The following GGA1 variants were observed in gnomAD, a reference collection of about 807,000 sequenced individuals.
The protein encoded by GGA1 is golgi associated, gamma adaptin ear containing, ARF binding protein 1.
In GGA1, 18 loss-of-function variants were observed where a neutral mutation model predicts 76.9. The ratio of observed to expected loss-of-function variants is 0.23; its 90% confidence interval spans 0.16 to 0.35. The LOEUF (loss-of-function observed/expected upper bound fraction) is 0.35. Ranked by LOEUF, GGA1 falls within the 10% of genes least tolerant of loss-of-function variation. The pLI is 1.00. For synonymous variants in GGA1, 342 were observed against 354.7 expected, an observed-to-expected ratio of 0.96 and a Z score of 0.40; for missense variants, 755 against 859.0, an observed-to-expected ratio of 0.88 and a Z score of 1.51.
rs1407765956 is a variant in GGA1 at position 37,625,427 on chromosome 22, C to G, written c.940+351C>G. Among the ~76,000 whole-genome samples the G allele has an allele frequency of 6.6e-6, 1 of 152,078 alleles. No individual in the cohort carries two copies. The highest frequency in any genetic ancestry group is 1.5e-5 in the Non-Finnish European group (1 of 68,028). Reference sequence around the variant, plus strand: ...GGGTTAGAAAAGTAAACATTACAGACTCAGGTCTAATAAGGGTAAGATGGC... The same window carrying G: ...GGGTTAGAAAAGTAAACATTACAGAGTCAGGTCTAATAAGGGTAAGATGGC... On this transcript the variant is annotated intron_variant, in intron 10 of 16. Coordinates refer to ENST00000343632, the MANE Select transcript of GGA1 (RefSeq NM_013365.5). This position sits in a 1 kb window ranked among gnomAD's most constrained non-coding sequence, Gnocchi z 4.1.
At chr22:37,621,085 T>C (rs565443700) in intron 6 of GGA1, among the ~76,000 whole-genome samples, 172 bp downstream of exon 6, 1 of 152,318 alleles carries the variant, frequency 6.6e-6, no homozygotes, top group East Asian at 1.9e-4. Context: ...GCTGAGTATG[T>C]CCCATACAGC....
rs574434940 is a variant in GGA1, at chr22:37,630,069, G to A, written c.1230G>A (p.Ala410=). The A allele has an allele frequency of 1.8e-5, 29 of 1,608,404 alleles. No individual in the cohort carries two copies. Among genetic ancestry groups the A allele is most frequent in the African/African-American group, 1.7e-4 (13 of 74,766 alleles). The change falls in exon 13 of 17, where the codon GCG becomes GCA. Residue 410 remains alanine (A), a synonymous_variant. Coordinates refer to ENST00000343632, the MANE Select transcript of GGA1 (RefSeq NM_013365.5). ...QAPSMESRPP[A]QTSLPASSGL... ...CCAGTATGGAAAGCCGACCCCCAGC[G>A]CAGACATCCCTGCCAGCAAGCAGCG...
At position 37,624,884 on chromosome 22, in the gene GGA1, G is replaced by A. The variant is rs1930527197; in HGVS notation, c.833-85G>A. On this transcript the variant is annotated intron_variant, in intron 9 of 16. Coordinates refer to ENST00000343632, the MANE Select transcript of GGA1 (RefSeq NM_013365.5). This position sits in a 1 kb window ranked among gnomAD's most constrained non-coding sequence, Gnocchi z 4.3. ...TTTCCCTTCCCCTCACACACAGGCT[G>A]TGATGGATGTGGGGTCCTCGTCCCC... The A allele has an allele frequency of 1.3e-6, 2 of 1,510,574 alleles. No individual in the cohort carries two copies. Among genetic ancestry groups the A allele is most frequent in the Non-Finnish European group, 1.8e-6 (2 of 1,121,708 alleles). The allele number at this position is 1,510,574 out of a possible 1,614,324, so 93.6% of individuals were successfully genotyped here.
chr22:37,630,472 C>T (rs1931602772), intron 13 of GGA1, among the ~76,000 whole-genome samples: 1 of 151,692 alleles, frequency 6.6e-6, no homozygotes, highest in African/African-American at 2.4e-5. Context: ...GGAGGGAGAA[C>T]ACGAGCTGCT....
chr22:37,623,241 C>T lies in GGA1; in HGVS notation c.610-86C>T. The T allele has an allele frequency of 7.7e-7, 1 of 1,297,212 alleles. No individual in the cohort carries two copies. Among genetic ancestry groups the T allele is most frequent in the Non-Finnish European group, 1.1e-6 (1 of 896,028 alleles). 80.4% of individuals were successfully genotyped at this position (1,297,212 alleles called of 1,614,324 possible). A position where few individuals can be genotyped will look rare whatever the true frequency, so the allele number is the denominator to read the frequency against. ...CAGTCACCCAGCTGTCAACCCAGAT[C>T]CCAGCACACATTCTCTCAAGTGGCA... On this transcript the variant is annotated intron_variant, in intron 7 of 16. Coordinates refer to ENST00000343632, the MANE Select transcript of GGA1 (RefSeq NM_013365.5). The surrounding 1 kb of genome is among the most constrained non-coding windows in gnomAD (Gnocchi z 4.6).
chr22:37,614,341 G>A (rs1928343184), intron 2 of GGA1, 67 bp downstream of exon 2: 1 of 1,122,254 alleles, frequency 8.9e-7, no homozygotes, highest in Non-Finnish European at 1.4e-6. Context: ...GGGTACAATG[G>A]CCTGGGTGGG....
chr22:37,628,691 C>T lies in GGA1; in HGVS notation c.1094-771C>T, dbSNP rs1165250317. On this transcript the variant is annotated intron_variant, in intron 11 of 16. Transcript: ENST00000343632. ...TGCATCTAGAAGGGACCCACTGTCA[C>T]AGCTTCCTGGTACCCTTGCCTTTGC... is the stretch of plus-strand genomic sequence containing the variant. Among the ~76,000 whole-genome samples the T allele has an allele frequency of 5.3e-5, 8 of 152,246 alleles. 1 individual carries two copies. The highest frequency in any genetic ancestry group is 5.2e-4 in the Admixed American group (8 of 15,284).
At chr22:37,614,121 C>T (rs1444665409) in intron 1 of GGA1, 69 bp from the exon 2 acceptor site, 2 of 1,061,494 alleles carry the variant, frequency 1.9e-6, no homozygotes, top group Admixed American at 1.7e-5. Context: ...CACACCTTTG[C>T]CAGGGTCAGG....
chr22:37,630,648 C>A (rs962618293), intron 13 of GGA1: 1 of 527,186 alleles, frequency 1.9e-6, no homozygotes, highest in East Asian at 3.6e-5. Flanking sequence ...CTCACTGCAA[C>A]CTCCATCTCC....
intron 1 of GGA1, 122 bp downstream of exon 1, chr22:37,609,025 A>G (rs1407545320): frequency 7.2e-6 from 10 of 1,385,556 alleles, no homozygotes; most frequent in African/African-American, 1.5e-5. Context: ...CCGGCCCGGG[A>G]GGGGCGGTGT....
intron 12 of GGA1, 74 bp downstream of exon 12, chr22:37,629,600 GAAACTA>G (rs1393737907): frequency 1.1e-6 from 1 of 909,008 alleles, no homozygotes; most frequent in Non-Finnish European, 1.6e-6. Context: ...GTGGCCTGGA[GAAACTA>G]AAAGGATGGA....
chr22:37,620,764 C>G (rs1435264420), intron 5 of GGA1, 49 bp from the exon 6 acceptor site: 1 of 1,148,994 alleles, frequency 8.7e-7, no homozygotes, highest in East Asian at 2.3e-5. Flanking sequence ...CACCCCTACC[C>G]CTGGGCCTGG....
chr22:37,624,893 G>C lies in GGA1; in HGVS notation c.833-76G>C. The C allele has an allele frequency of 6.6e-7, 1 of 1,519,720 alleles. No homozygotes were observed. Among genetic ancestry groups the C allele is most frequent in the Non-Finnish European group, 8.9e-7 (1 of 1,126,746 alleles). The allele number at this position is 1,519,720 out of a possible 1,614,324, so 94.1% of individuals were successfully genotyped here. A position where few individuals can be genotyped will look rare whatever the true frequency, so the allele number is the denominator to read the frequency against. On this transcript the variant is annotated intron_variant, in intron 9 of 16. Transcript: ENST00000343632. The surrounding 1 kb of genome is among the most constrained non-coding windows in gnomAD (Gnocchi z 4.3). ...CCCTCACACACAGGCTGTGATGGAT[G>C]TGGGGTCCTCGTCCCCTGCCGCCCA...
chr22:37,625,007 A>G lies in GGA1; in HGVS notation c.871A>G (p.Ile291Val). ...GGCCAATGACAACCTCACCCAGGTGATCAACCTGTATAAGCAGCTGGTGCG... is the reference window on the plus strand; with the variant it reads ...GGCCAATGACAACCTCACCCAGGTGGTCAACCTGTATAAGCAGCTGGTGCG... Reference protein sequence around the residue: ...LQANDNLTQVINLYKQLVRGE... With the variant: ...LQANDNLTQVVNLYKQLVRGE... The change falls in exon 10 of 17, where the codon ATC becomes GTC. Residue 291 changes from isoleucine (I) to valine (V), a missense_variant. Physicochemically the swap from Ile to Val is conservative, Grantham distance 29. Transcript: ENST00000343632. The surrounding 1 kb of genome is among the most constrained non-coding windows in gnomAD (Gnocchi z 4.1). 1 of 1,600,482 alleles carries G rather than the reference A, an allele frequency of 6.2e-7. No homozygotes were observed. Among genetic ancestry groups the G allele is most frequent in the Admixed American group, 1.7e-5 (1 of 58,346 alleles).
At position 37,624,883 on chromosome 22, in the gene GGA1, T is replaced by G; in HGVS notation, c.833-86T>G. 6 of 1,508,978 alleles carry G rather than the reference T, an allele frequency of 4.0e-6. No individual in the cohort carries two copies. The highest frequency in any genetic ancestry group is 5.4e-6 in the Non-Finnish European group (6 of 1,120,512). The allele number at this position is 1,508,978 out of a possible 1,614,324, so 93.5% of individuals were successfully genotyped here. A position where few individuals can be genotyped will look rare whatever the true frequency, so the allele number is the denominator to read the frequency against. On this transcript the variant is annotated intron_variant, in intron 9 of 16. Transcript: ENST00000343632. The surrounding 1 kb of genome is among the most constrained non-coding windows in gnomAD (Gnocchi z 4.3). ...CTTTCCCTTCCCCTCACACACAGGC[T>G]GTGATGGATGTGGGGTCCTCGTCCC...
At chr22:37,620,939 G>A in intron 6 of GGA1, 26 bp downstream of exon 6, 2 of 1,415,136 alleles carry the variant, frequency 1.4e-6, no homozygotes, top group Middle Eastern at 1.8e-4. Context: ...GGCACATATG[G>A]GGACTCTGAG....
Position 37,624,618 on chromosome 22 carries a change from G to C in GGA1, c.833-351G>C, listed in dbSNP as rs554029037. On this transcript the variant is annotated intron_variant, in intron 9 of 16. Coordinates refer to ENST00000343632, the MANE Select transcript of GGA1 (RefSeq NM_013365.5). The surrounding 1 kb of genome is among the most constrained non-coding windows in gnomAD (Gnocchi z 4.3). ...GTGGTGCAGGAGGGATTTAGGACAG[G>C]CCTCCCTGAGGTGAGCCTTGGGTGA... 6.9e-4 allele frequency: 160 copies of C among 232,506 alleles called. 1 individual carries two copies. The highest frequency in any genetic ancestry group is 5.0e-3 in the Middle Eastern group (3 of 598). The allele number at this position is 232,506 out of a possible 1,614,324, so 14.4% of individuals were successfully genotyped here. A position where few individuals can be genotyped will look rare whatever the true frequency, so the allele number is the denominator to read the frequency against.
intron 11 of GGA1, among the ~76,000 whole-genome samples, chr22:37,628,665 G>T (rs560411706): frequency 6.6e-6 from 1 of 152,340 alleles, no homozygotes; most frequent in East Asian, 1.9e-4. Context: ...CCTCTAAGAA[G>T]TGCATCTAGA....
At position 37,625,614 on chromosome 22, in the gene GGA1, T is replaced by G. The variant is rs147501853; in HGVS notation, c.941-183T>G. 2.6e-5 allele frequency among the ~76,000 whole-genome samples: 4 copies of G among 152,176 alleles called. No individual in the cohort carries two copies. Among genetic ancestry groups the G allele is most frequent in the African/African-American group, 7.2e-5 (3 of 41,520 alleles). ...AAATACATTCCGGACAGAAGTACCATCATATGCCAAAGAGAGGTCCTGTTG... is the reference window on the plus strand; with the variant it reads ...AAATACATTCCGGACAGAAGTACCAGCATATGCCAAAGAGAGGTCCTGTTG... On this transcript the variant is annotated intron_variant, in intron 10 of 16. Transcript: ENST00000343632. The surrounding 1 kb of genome is among the most constrained non-coding windows in gnomAD (Gnocchi z 4.1).
Sources: gnomAD v4.1 joint callset for allele counts (sites outside exome capture counted in the v4.1 genomes callset) on GRCh38, gnomAD v4.1.1 for gene constraint, Gnocchi (gnomAD v3.1) non-coding constraint, MANE v1.5 for transcripts, NCBI Gene and HGNC (gene_info 2026-07-23, HGNC 2026-07-21) for gene names.